TRAF3IP1: variants seen among roughly 807,000 people sequenced by gnomAD.
TRAF3IP1 encodes intraflagellar transport 54.
Under a neutral mutation model 89.9 loss-of-function variants are expected in TRAF3IP1, and 53 were observed. That is an observed-to-expected ratio of 0.59 (90% CI 0.47 to 0.74). The LOEUF is 0.74. Ranked by LOEUF, TRAF3IP1 falls within the 30% of genes least tolerant of loss-of-function variation. The pLI is 0.00. For synonymous variants in TRAF3IP1, 311 were observed against 322.1 expected (o/e 0.97, Z 0.37); for missense variants, 806 against 866.1 (o/e 0.93, Z 0.87).
intron 3 of TRAF3IP1, among the ~76,000 whole-genome samples, chr2:238,326,243 TGGCTGGA>T (rs1429748781): frequency 1.3e-5 from 2 of 152,250 alleles, no homozygotes; most frequent in Admixed American, 6.5e-5. Flanking sequence ...ACACTGTGCC[TGGCTGGA>T]GGCTGGAGGC....
At chr2:238,365,964 G>A (rs1316552323) in intron 15 of TRAF3IP1, among the ~76,000 whole-genome samples, 3 of 152,198 alleles carry the variant, frequency 2.0e-5, no homozygotes, top group South Asian at 2.1e-4. Flanking sequence ...ATCAGACACC[G>A]GCTGGGCGCA....
At chr2:238,337,715 A>T (rs1356248418) in intron 7 of TRAF3IP1, among the ~76,000 whole-genome samples, 3 of 152,072 alleles carry the variant, frequency 2.0e-5, no homozygotes, top group Admixed American at 2.0e-4. Flanking sequence ...CAAAGATGAG[A>T]TTCATTGTGG....
chr2:238,384,337 G>GATGT (rs61001806), intron 15 of TRAF3IP1, among the ~76,000 whole-genome samples: 18,723 of 139,516 alleles, frequency 0.13, 1,532 homozygotes, highest in African/African-American at 0.2. Flanking sequence ...GAATCAACCT[G>GATGT]ATGTATGTAT....
Position 238,328,922 on chromosome 2 carries a change from G to A in TRAF3IP1, c.499-4G>A, listed in dbSNP as rs753567845. ...TCATAAATGATTTTATTTTTATTTC[G>A]TAGGATAGAGGAGACGCTGAAATAA... is the stretch of plus-strand genomic sequence containing the variant. On this transcript the variant is annotated splice_region_variant and splice_polypyrimidine_tract_variant and intron_variant, in intron 4 of 16. Transcript: ENST00000373327. 1.3e-5 allele frequency: 20 copies of A among 1,563,388 alleles called. No homozygotes were observed. Among genetic ancestry groups the A allele is most frequent in the East Asian group, 4.7e-5 (2 of 42,450 alleles).
chr2:238,329,392 G>T, intron 5 of TRAF3IP1, 50 bp downstream of exon 5: 1 of 1,319,216 alleles, frequency 7.6e-7, no homozygotes, highest in East Asian at 2.8e-5. Flanking sequence ...AGTTTGTGGT[G>T]GTCTCAAACA....
chr2:238,385,237 C>G (rs1229442963), intron 15 of TRAF3IP1, among the ~76,000 whole-genome samples: 1 of 151,366 alleles, frequency 6.6e-6, no homozygotes, highest in African/African-American at 2.4e-5. Context: ...AGGATGGTCT[C>G]GATCTCCTGA....
Position 238,325,873 on chromosome 2 carries a change from A to T in TRAF3IP1, c.257A>T (p.Glu86Val). The T allele has an allele frequency of 1.2e-6, 2 of 1,614,242 alleles. No individual in the cohort carries two copies. Among genetic ancestry groups the T allele is most frequent in the Non-Finnish European group, 1.7e-6 (2 of 1,180,040 alleles). ...AIDVVVMVSG[E>V]PLLAKPARIV... Reference sequence around the variant, plus strand: ...GACGTGGTTGTAATGGTGTCGGGAGAGCCACTGTTGGCCAAACCAGCCCGA... The same window carrying T: ...GACGTGGTTGTAATGGTGTCGGGAGTGCCACTGTTGGCCAAACCAGCCCGA... Residue 86 changes from glutamate to valine, a missense_variant, in exon 3 of 17, where the codon GAG becomes GTG. Transcript: ENST00000373327.
At chr2:238,385,711 C>T (rs1278257884) in intron 15 of TRAF3IP1, among the ~76,000 whole-genome samples, 1 of 152,170 alleles carries the variant, frequency 6.6e-6, no homozygotes, top group Non-Finnish European at 1.5e-5. Flanking sequence ...ATTCTTTTGG[C>T]CTCAAACCCA....
In TRAF3IP1 at chr2:238,351,009, G is replaced by A. The variant is rs192619879; in HGVS notation, c.1451+1601G>A. Among the ~76,000 whole-genome samples the A allele has an allele frequency of 6.6e-5, 10 of 152,260 alleles. No homozygotes were observed. Among genetic ancestry groups the A allele is most frequent in the Admixed American group, 2.0e-4 (3 of 15,292 alleles). On this transcript the variant is annotated intron_variant, in intron 12 of 16. Coordinates refer to ENST00000373327, the MANE Select transcript of TRAF3IP1 (RefSeq NM_015650.4). This position sits in a 1 kb window ranked among gnomAD's most constrained non-coding sequence, Gnocchi z 5.2. ...CAGGAGGAGGCATTAGGATTGAGAG[G>A]CTGAAGGTGCCGGATGGATAGAAGG...
In TRAF3IP1 at chr2:238,352,373, G is replaced by T. The variant is rs569077548; in HGVS notation, c.1452-454G>T. Among the ~76,000 whole-genome samples, 330 of 152,324 alleles carry T rather than the reference G, an allele frequency of 2.2e-3. 1 individual carries two copies. The highest frequency in any genetic ancestry group is 7.7e-3 in the African/African-American group (322 of 41,576). On this transcript the variant is annotated intron_variant, in intron 12 of 16. Transcript: ENST00000373327. The stretch of plus-strand genomic sequence containing the variant: ...TGAAGAGAGGTCTGGGGTCAGCCCT[G>T]GTCAGTGGGACCCCAATGTGGCCCC...
intron 10 of TRAF3IP1, 73 bp from the exon 11 acceptor site, chr2:238,348,691 C>A: frequency 1.6e-6 from 2 of 1,285,010 alleles, no homozygotes; most frequent in Non-Finnish European, 2.2e-6. Context: ...AATACAGATG[C>A]AAATAGTATT....
intron 15 of TRAF3IP1, among the ~76,000 whole-genome samples, chr2:238,381,997 CA>C (rs1700572051): frequency 2.0e-5 from 3 of 152,030 alleles, no homozygotes; most frequent in African/African-American, 7.3e-5. Flanking sequence ...ATCAGAGGAA[CA>C]AAGTATTTAC....
At chr2:238,323,081 A>AT (rs35469985) in intron 1 of TRAF3IP1, among the ~76,000 whole-genome samples, 55,129 of 147,458 alleles carry the variant, frequency 0.37, 11,569 homozygotes, top group African/African-American at 0.58. Flanking sequence ...ATTGTTCACA[A>AT]TTTTTTTTTT....
chr2:238,348,493 G>A (rs1181858505), intron 10 of TRAF3IP1, among the ~76,000 whole-genome samples: 3 of 152,104 alleles, frequency 2.0e-5, no homozygotes, highest in African/African-American at 7.2e-5. Flanking sequence ...TGATCAGCCT[G>A]CCTTTTGAAT....
At chr2:238,320,879 C>A in intron 1 of TRAF3IP1, 94 bp downstream of exon 1, 1 of 1,096,018 alleles carries the variant, frequency 9.1e-7, no homozygotes, top group Non-Finnish European at 1.2e-6. Flanking sequence ...GGGTGCGAGC[C>A]GGGCTCGGGC....
intron 15 of TRAF3IP1, among the ~76,000 whole-genome samples, chr2:238,388,593 CTTTTTT>C (rs752954955): frequency 9.6e-6 from 1 of 104,198 alleles, no homozygotes; most frequent in Non-Finnish European, 1.9e-5. Flanking sequence ...AAGAACACAA[CTTTTTT>C]TTTTTTTTTT....
intron 8 of TRAF3IP1, among the ~76,000 whole-genome samples, chr2:238,340,623 T>A (rs1698596526): frequency 6.6e-6 from 1 of 152,118 alleles, no homozygotes. Flanking sequence ...CAGTTCCAGG[T>A]TTTTCTGGAA....
chr2:238,364,168 T>C (rs1055282202), intron 15 of TRAF3IP1, among the ~76,000 whole-genome samples: 3 of 152,168 alleles, frequency 2.0e-5, no homozygotes, highest in Non-Finnish European at 4.4e-5. Flanking sequence ...TTTTGGAGGA[T>C]TTTTTCAATG....
chr2:238,366,149 G>A lies in TRAF3IP1; in HGVS notation c.1689+10069G>A, dbSNP rs552234279. Among the ~76,000 whole-genome samples the A allele has an allele frequency of 5.3e-5, 8 of 152,068 alleles. No homozygotes were observed. In the East Asian group the frequency reaches 1.2e-3, roughly 22 times the overall value. ...CGGGAGGCTGAGGCAGGAGAATGGC[G>A]TGAACCTGGGAGGCGGAGCTTGCAG... On this transcript the variant is annotated intron_variant, in intron 15 of 16. Transcript: ENST00000373327.
Sources: gnomAD v4.1 joint callset for allele counts (sites outside exome capture counted in the v4.1 genomes callset) on GRCh38, gnomAD v4.1.1 for gene constraint, Gnocchi (gnomAD v3.1) non-coding constraint, MANE v1.5 for transcripts, NCBI Gene and HGNC (gene_info 2026-07-23, HGNC 2026-07-21) for gene names.